The following STON1 variants were observed in gnomAD, a reference collection of about 807,000 sequenced individuals.
STON1 encodes stonin 1, also known as stonin-1.
STON1 carries 79 observed loss-of-function variants against 60.9 expected under a neutral mutation model. The ratio of observed to expected loss-of-function variants is 1.30; its 90% CI spans 1.08 to 1.56. The LOEUF is 1.56. STON1 is among the 40% of genes most tolerant of loss of function. The pLI, the probability that STON1 is intolerant of heterozygous loss-of-function variation, is 0.00. For synonymous variants in STON1, 363 were observed against 306.9 expected, an observed-to-expected ratio of 1.18 and a Z score of -1.91; for missense variants, 1,166 against 858.9, an observed-to-expected ratio of 1.36 and a Z score of -4.47.
chr2:48,573,775 G>C (rs549056792), intron 1 of STON1, among the ~76,000 whole-genome samples: 1 of 152,328 alleles, frequency 6.6e-6, no homozygotes, highest in South Asian at 2.1e-4. Flanking sequence ...CAAACCAAAT[G>C]TCTATCAACT....
In STON1 at chr2:48,557,129, C is replaced by G. The variant is rs1404706272; in HGVS notation, c.-47-23458C>G. On this transcript the variant is annotated intron_variant, in intron 1 of 3. Transcript: ENST00000404752. ...GGCTGCCGGGCGGAGACGCTCCTCA[C>G]TTCCCAGATGGGGTGGCTGCCGGGC... Among the ~76,000 whole-genome samples, 113 of 104,460 alleles carry G rather than the reference C, an allele frequency of 1.1e-3. 2 individuals carry two copies. The highest frequency in any genetic ancestry group is 1.3e-3 in the Non-Finnish European group (66 of 49,072). The allele number at this position is 104,460 out of a possible 152,430, so 68.5% of individuals were successfully genotyped here. A position where few individuals can be genotyped will look rare whatever the true frequency, so the allele number is the denominator to read the frequency against.
chr2:48,566,799 G>A (rs918482869), intron 1 of STON1, among the ~76,000 whole-genome samples: 4 of 152,170 alleles, frequency 2.6e-5, no homozygotes, highest in East Asian at 1.9e-4. Context: ...GCAGCCTTGC[G>A]TTTTCTCAGG....
At chr2:48,544,947 C>G (rs1378128422) in intron 1 of STON1, among the ~76,000 whole-genome samples, 2 of 152,154 alleles carry the variant, frequency 1.3e-5, no homozygotes, top group Non-Finnish European at 2.9e-5. Flanking sequence ...AACCAGGAAT[C>G]CCTCCTAGTG....
chr2:48,584,637 A>T (rs1192233671), intron 2 of STON1, among the ~76,000 whole-genome samples: 1 of 151,952 alleles, frequency 6.6e-6, no homozygotes, highest in Non-Finnish European at 1.5e-5. Context: ...ACTTCATGCT[A>T]ATTAAATCGG....
rs138119787 is a variant in STON1 at position 48,553,461 on chromosome 2, G to GT, written c.-48+23252dup. The stretch of plus-strand genomic sequence containing the variant: ...CTCTCTCTCTCGTTTGTTTTGTTTT[G>GT]TTTTTTTCCTGTCCTGTCCTGTCCT... On this transcript the variant is annotated intron_variant, in intron 1 of 3. Coordinates refer to ENST00000404752, the MANE Select transcript of STON1 (RefSeq NM_006873.4). Among the ~76,000 whole-genome samples the GT allele has an allele frequency of 8.5e-3, 1,141 of 134,352 alleles. 17 individuals are homozygous for GT. Among genetic ancestry groups the GT allele is most frequent in the African/African-American group, 0.03 (1,092 of 36,220 alleles). The allele number at this position is 134,352 out of a possible 152,430, so 88.1% of individuals were successfully genotyped here.
chr2:48,587,587 G>T (rs922050451), intron 2 of STON1, among the ~76,000 whole-genome samples: 1 of 152,086 alleles, frequency 6.6e-6, no homozygotes, highest in African/African-American at 2.4e-5. Flanking sequence ...CACTGCGTCC[G>T]GCCTCCCATG....
chr2:48,559,242 C>T (rs2103820430), intron 1 of STON1, among the ~76,000 whole-genome samples: 1 of 152,270 alleles, frequency 6.6e-6, no homozygotes, highest in Admixed American at 6.5e-5. Context: ...CTGTCTTACT[C>T]CCTTGAGCTT....
At chr2:48,564,487 TTCTTCTTC>T (rs1558604904) in intron 1 of STON1, among the ~76,000 whole-genome samples, 8 of 20,992 alleles carry the variant, frequency 3.8e-4, no homozygotes, top group African/African-American at 7.5e-4. Context: ...TTCTTTCTTC[TTCTTCTTC>T]TTCTTCTTCT....
At position 48,557,483 on chromosome 2, in the gene STON1, C is replaced by A. The variant is rs569012717; in HGVS notation, c.-47-23104C>A. ...GCCAGGCAGAGGGGCTCCTCACATCCCAGACGATGGGCGGCCAGGCAGAGA... is the reference window on the plus strand; with the variant it reads ...GCCAGGCAGAGGGGCTCCTCACATCACAGACGATGGGCGGCCAGGCAGAGA... On this transcript the variant is annotated intron_variant, in intron 1 of 3. Transcript: ENST00000404752. Among the ~76,000 whole-genome samples the A allele has an allele frequency of 7.5e-5, 8 of 106,364 alleles. 2 individuals are homozygous for A. The highest frequency in any genetic ancestry group is 1.6e-4 in the Non-Finnish European group (8 of 48,948). 69.8% of individuals were successfully genotyped at this position (106,364 alleles called of 152,430 possible). A position where few individuals can be genotyped will look rare whatever the true frequency, so the allele number is the denominator to read the frequency against.
At chr2:48,540,510 G>C (rs1430355737) in intron 1 of STON1, among the ~76,000 whole-genome samples, 1 of 152,220 alleles carries the variant, frequency 6.6e-6, no homozygotes, top group Non-Finnish European at 1.5e-5. Context: ...AACACAGGGA[G>C]GTTCCTGGAG....
At chr2:48,565,167 C>G (rs973821445) in intron 1 of STON1, among the ~76,000 whole-genome samples, 10 of 151,138 alleles carry the variant, frequency 6.6e-5, no homozygotes, top group Non-Finnish European at 1.2e-4. Context: ...ATTCTCCTGC[C>G]TCAGCCTCCC....
At chr2:48,569,637 A>G (rs540084092) in intron 1 of STON1, among the ~76,000 whole-genome samples, 285 of 152,376 alleles carry the variant, frequency 1.9e-3, no homozygotes, top group Non-Finnish European at 3.5e-3. Context: ...CACAAAGAGT[A>G]TATGAATTTT....
chr2:48,570,902 C>G lies in STON1; in HGVS notation c.-47-9685C>G, dbSNP rs1006767138. On this transcript the variant is annotated intron_variant, in intron 1 of 3. Transcript: ENST00000404752. ...TCCCCAGACAGAGTCTTGCACTATC[C>G]CCCAGGCTGGAGTGCAGTGGAGTGA... Among the ~76,000 whole-genome samples, 3 of 141,610 alleles carry G rather than the reference C, an allele frequency of 2.1e-5. No homozygotes were observed. The Admixed American group carries it at 2.2e-4, about 10-fold the overall frequency. The allele number at this position is 141,610 out of a possible 152,430, so 92.9% of individuals were successfully genotyped here. A position where few individuals can be genotyped will look rare whatever the true frequency, so the allele number is the denominator to read the frequency against.
intron 3 of STON1, 54 bp downstream of exon 3, chr2:48,591,909 T>C: frequency 6.3e-7 from 1 of 1,578,154 alleles, no homozygotes; most frequent in South Asian, 1.2e-5. Context: ...AATATTTGTT[T>C]TGCTGTCTTT....
chr2:48,593,276 T>G (rs1674628705), intron 3 of STON1, among the ~76,000 whole-genome samples: 1 of 151,938 alleles, frequency 6.6e-6, no homozygotes, highest in Non-Finnish European at 1.5e-5. Flanking sequence ...CCACCACGCC[T>G]GGCTAATTTT....
At chr2:48,541,699 CAAAAAAA>C (rs71399061) in intron 1 of STON1, among the ~76,000 whole-genome samples, 2 of 60,682 alleles carry the variant, frequency 3.3e-5, no homozygotes, top group Non-Finnish European at 5.8e-5. Context: ...AACTTCGTCT[CAAAAAAA>C]AAAAAAAAAA....
intron 1 of STON1, among the ~76,000 whole-genome samples, chr2:48,540,841 C>T (rs1275360621): frequency 6.6e-6 from 1 of 152,110 alleles, no homozygotes; most frequent in Non-Finnish European, 1.5e-5. Flanking sequence ...TTAGAGGACA[C>T]CCAGCTGGTG....
chr2:48,568,844 G>A (rs1427808626), intron 1 of STON1, among the ~76,000 whole-genome samples: 2 of 152,172 alleles, frequency 1.3e-5, no homozygotes, highest in Non-Finnish European at 2.9e-5. Context: ...TGGAGAAATA[G>A]GCTCTTCTCA....
intron 1 of STON1, among the ~76,000 whole-genome samples, chr2:48,537,758 G>A (rs546627153): frequency 3.5e-4 from 52 of 148,582 alleles, no homozygotes; most frequent in African/African-American, 1.1e-3. Flanking sequence ...GCTGAGGCAC[G>A]AAAATCACTT....
Sources: allele counts gnomAD v4.1 joint callset (sites outside exome capture counted in the v4.1 genomes callset), GRCh38; gene constraint gnomAD v4.1.1; transcripts MANE v1.5; gene names NCBI Gene and HGNC (gene_info 2026-07-23, HGNC 2026-07-21).